The following KCNMB2 variants were observed in gnomAD, a reference collection of about 807,000 sequenced individuals.
The protein encoded by KCNMB2 is calcium-activated potassium channel subunit beta-2.
In KCNMB2, 9 loss-of-function variants were observed where a neutral mutation model predicts 24.5. The ratio of observed to expected loss-of-function variants is 0.37; its 90% CI spans 0.22 to 0.64. The LOEUF (loss-of-function observed/expected upper bound fraction) is 0.64. KCNMB2 is among the 30% of genes least tolerant of loss of function. The pLI is 0.63. For synonymous variants in KCNMB2, 109 were observed against 104.4 expected (o/e 1.04, Z -0.27); for missense variants, 226 against 284.3 (o/e 0.79, Z 1.47).
At chr3:178,829,263 T>C (rs1714966243) in intron 4 of KCNMB2, among the ~76,000 whole-genome samples, 1 of 152,108 alleles carries the variant, frequency 6.6e-6, no homozygotes, top group African/African-American at 2.4e-5. Flanking sequence ...GGATAAACCC[T>C]TCTGACCTCT....
At chr3:178,695,153 C>T (rs908195658) in intron 1 of KCNMB2, among the ~76,000 whole-genome samples, 3 of 152,256 alleles carry the variant, frequency 2.0e-5, no homozygotes, top group Non-Finnish European at 4.4e-5. Flanking sequence ...GGGGTTTGCA[C>T]CCTCTGAAGC....
chr3:178,813,965 TTGTTGTTGTTGTTGTTGTTGC>T (rs1278001999), intron 2 of KCNMB2, among the ~76,000 whole-genome samples: 1 of 145,420 alleles, frequency 6.9e-6, no homozygotes, highest in African/African-American at 2.6e-5. Flanking sequence ...GTTGTTGTTG[TTGTTGTTGTTGTTGTTGTTGC>T]TGCTGCTGCT....
chr3:178,656,933 A>C (rs1243116250), intron 1 of KCNMB2, among the ~76,000 whole-genome samples: 1 of 152,096 alleles, frequency 6.6e-6, no homozygotes. Context: ...CTGAAGTTAA[A>C]AAAAGAAAAA....
At chr3:178,783,115 T>C (rs1407905027) in intron 1 of KCNMB2, among the ~76,000 whole-genome samples, 5 of 151,964 alleles carry the variant, frequency 3.3e-5, no homozygotes, top group Non-Finnish European at 5.9e-5. Context: ...TATACGGCGT[T>C]ATTTCTGAGG....
intron 1 of KCNMB2, among the ~76,000 whole-genome samples, chr3:178,739,556 G>C (rs1428994848): frequency 6.6e-6 from 1 of 152,160 alleles, no homozygotes; most frequent in East Asian, 1.9e-4. Context: ...AGGGCAGATA[G>C]AACTTAACAG....
chr3:178,628,495 T>C (rs1719197775), intron 1 of KCNMB2, among the ~76,000 whole-genome samples: 1 of 152,174 alleles, frequency 6.6e-6, no homozygotes, highest in South Asian at 2.1e-4. Flanking sequence ...TTTCTGAGAT[T>C]AGAGAATGAG....
chr3:178,678,079 G>T (rs1465335410), intron 1 of KCNMB2, among the ~76,000 whole-genome samples: 2 of 152,212 alleles, frequency 1.3e-5, no homozygotes, highest in Non-Finnish European at 2.9e-5. Context: ...TTAGGAGAAG[G>T]TTGCTGAAAT....
rs79623257 is a variant in KCNMB2, at chr3:178,703,200, C to G, written c.-67-104143C>G. Among the ~76,000 whole-genome samples, 1,353 of 152,198 alleles carry G rather than the reference C, an allele frequency of 8.9e-3. 77 individuals are homozygous for G. In the East Asian group the frequency reaches 0.17, roughly 19 times the overall value. Reference sequence around the variant, plus strand: ...AATATTAATAACCATCTATTCAGGGCTCCTATTTGCTAAGTGCCGAATACA... The same window carrying G: ...AATATTAATAACCATCTATTCAGGGGTCCTATTTGCTAAGTGCCGAATACA... On this transcript the variant is annotated intron_variant, in intron 1 of 4. Transcript: ENST00000452583.
At chr3:178,653,542 G>A (rs9856622) in intron 1 of KCNMB2, among the ~76,000 whole-genome samples, 37,734 of 151,952 alleles carry the variant, frequency 0.25, 4,828 homozygotes, top group Middle Eastern at 0.47. Flanking sequence ...GTTTGCTCTA[G>A]CCTTTTGATA....
chr3:178,820,740 C>T (rs1020773653), intron 2 of KCNMB2: 1 of 152,466 alleles, frequency 6.6e-6, no homozygotes, highest in Non-Finnish European at 1.5e-5. Context: ...TTGATTGAAG[C>T]CTTACTAAAC....
chr3:178,634,287 C>T (rs1027371394), intron 1 of KCNMB2, among the ~76,000 whole-genome samples: 3 of 152,096 alleles, frequency 2.0e-5, no homozygotes, highest in African/African-American at 7.2e-5. Flanking sequence ...TCCCAATTTA[C>T]TGTATTAGTC....
intron 1 of KCNMB2, among the ~76,000 whole-genome samples, chr3:178,642,441 G>GCAC (rs2108549998): frequency 6.6e-6 from 1 of 152,182 alleles, no homozygotes; most frequent in South Asian, 2.1e-4. Flanking sequence ...CCCACCACCA[G>GCAC]CACCACCCTG....
chr3:178,599,242 A>G (rs1457972414), intron 1 of KCNMB2, among the ~76,000 whole-genome samples: 1 of 152,174 alleles, frequency 6.6e-6, no homozygotes, highest in African/African-American at 2.4e-5. Context: ...TTTTTAAAAT[A>G]TTTGCTTAAT....
At chr3:178,541,833 A>G (rs759725352) in intron 1 of KCNMB2, among the ~76,000 whole-genome samples, 104 of 152,256 alleles carry the variant, frequency 6.8e-4, no homozygotes, top group Admixed American at 2.2e-3. Flanking sequence ...TTTAAACTTA[A>G]CTTCCTCATA....
intron 1 of KCNMB2, among the ~76,000 whole-genome samples, chr3:178,798,453 A>G (rs566359212): frequency 1.3e-5 from 2 of 152,296 alleles, no homozygotes; most frequent in African/African-American, 4.8e-5. Flanking sequence ...TATTCACAAC[A>G]GCAAAGACAT....
intron 1 of KCNMB2, among the ~76,000 whole-genome samples, chr3:178,727,038 C>A (rs1454664072): frequency 6.6e-6 from 1 of 152,078 alleles, no homozygotes; most frequent in Non-Finnish European, 1.5e-5. Flanking sequence ...CTGCCTCCCT[C>A]GTCAGGCTGC....
chr3:178,667,884 G>C (rs1278491362), intron 1 of KCNMB2, among the ~76,000 whole-genome samples: 1 of 152,100 alleles, frequency 6.6e-6, no homozygotes, highest in African/African-American at 2.4e-5. Flanking sequence ...GGTTGGCCAA[G>C]GCTGACAGAC....
At chr3:178,772,821 T>G (rs959959379) in intron 1 of KCNMB2, among the ~76,000 whole-genome samples, 1 of 152,240 alleles carries the variant, frequency 6.6e-6, no homozygotes, top group Admixed American at 6.5e-5. Flanking sequence ...GTCTAACTGA[T>G]GGTAATTAAT....
Position 178,681,455 on chromosome 3 carries a change from T to C in KCNMB2, c.-67-125888T>C, listed in dbSNP as rs77449976. Among the ~76,000 whole-genome samples the C allele has an allele frequency of 1.7e-4, 26 of 152,328 alleles. No individual in the cohort carries two copies. The East Asian group carries it at 5.0e-3, about 29-fold the overall frequency. ...TATATCTGCCTAGGTTAATAACATC[T>C]AATAAATGAGTTTTCAAGTCAGGTA... On this transcript the variant is annotated intron_variant, in intron 1 of 4. Transcript: ENST00000452583.
Sources: allele counts gnomAD v4.1 joint callset (sites outside exome capture counted in the v4.1 genomes callset), GRCh38; gene constraint gnomAD v4.1.1; transcripts MANE v1.5; gene names NCBI Gene and HGNC (gene_info 2026-07-23, HGNC 2026-07-21).